The following OLA1 variants were observed in gnomAD, a reference collection of about 807,000 sequenced individuals.
OLA1 encodes Obg like ATPase 1.
In OLA1, 14 loss-of-function variants were observed where a neutral mutation model predicts 48.4. That is an observed-to-expected ratio of 0.29 (90% CI 0.19 to 0.45). OLA1 has a LOEUF of 0.45. OLA1 is among the 20% of genes least tolerant of loss of function. OLA1 has a pLI of 1.00. For missense variants in OLA1, 325 were observed against 467.1 expected (o/e 0.70, Z 2.80); for synonymous variants, 127 against 150.4 (o/e 0.84, Z 1.14).
At chr2:174,176,477 T>C (rs1348743050) in intron 4 of OLA1, among the ~76,000 whole-genome samples, 1 of 152,158 alleles carries the variant, frequency 6.6e-6, no homozygotes, top group African/African-American at 2.4e-5. Flanking sequence ...AAAATACATG[T>C]CACAAATATG....
At chr2:174,090,913 G>C (rs1284602712) in intron 7 of OLA1, among the ~76,000 whole-genome samples, 3 of 152,158 alleles carry the variant, frequency 2.0e-5, no homozygotes, top group African/African-American at 7.2e-5. Context: ...CTCCTTGAGA[G>C]CCTTCCCTGA....
chr2:174,238,205 A>G (rs1688904136), intron 2 of OLA1, among the ~76,000 whole-genome samples: 1 of 152,202 alleles, frequency 6.6e-6, no homozygotes, highest in South Asian at 2.1e-4. Context: ...CATCAAGAAA[A>G]CACCAATTGG....
At chr2:174,176,117 C>T (rs115844036) in intron 4 of OLA1, among the ~76,000 whole-genome samples, 3 of 151,988 alleles carry the variant, frequency 2.0e-5, no homozygotes, top group African/African-American at 7.2e-5. Context: ...AGTAGATCTA[C>T]GACTGTGTAC....
intron 2 of OLA1, among the ~76,000 whole-genome samples, chr2:174,238,474 A>G (rs1192124224): frequency 6.7e-6 from 1 of 148,710 alleles, no homozygotes; most frequent in African/African-American, 2.5e-5. Context: ...AGCCTGGGCA[A>G]CAGAGTGAGA....
intron 5 of OLA1, among the ~76,000 whole-genome samples, chr2:174,135,407 A>T (rs1318373461): frequency 6.6e-6 from 1 of 152,210 alleles, no homozygotes; most frequent in East Asian, 1.9e-4. Flanking sequence ...TTAGTTCTTC[A>T]TTTTGTATTT....
intron 4 of OLA1, among the ~76,000 whole-genome samples, chr2:174,207,941 A>G (rs960511342): frequency 2.0e-5 from 3 of 152,178 alleles, no homozygotes; most frequent in African/African-American, 7.2e-5. Flanking sequence ...GTATTGGCCC[A>G]ATGCAAAATA....
intron 4 of OLA1, among the ~76,000 whole-genome samples, chr2:174,159,829 T>A (rs563986998): frequency 6.6e-6 from 1 of 151,982 alleles, no homozygotes; most frequent in Non-Finnish European, 1.5e-5. Context: ...AAGCCTTGAG[T>A]TATATTTATG....
At chr2:174,161,681 T>C (rs200713689) in intron 4 of OLA1, among the ~76,000 whole-genome samples, 4 of 141,112 alleles carry the variant, frequency 2.8e-5, no homozygotes, top group African/African-American at 1.1e-4. Flanking sequence ...AAAAAAAAAA[T>C]ACACACACAC....
chr2:174,163,138 C>A (rs1291079142), intron 4 of OLA1, among the ~76,000 whole-genome samples: 1 of 152,274 alleles, frequency 6.6e-6, no homozygotes, highest in East Asian at 1.9e-4. Context: ...TGATTCCCAG[C>A]CCACTCCTTG....
chr2:174,101,080 T>A (rs1168582304), intron 7 of OLA1, among the ~76,000 whole-genome samples: 1 of 152,126 alleles, frequency 6.6e-6, no homozygotes, highest in Admixed American at 6.5e-5. Context: ...GATACATGCT[T>A]AACTTAAATG....
chr2:174,181,037 G>C (rs1687520838), intron 4 of OLA1, among the ~76,000 whole-genome samples: 1 of 152,164 alleles, frequency 6.6e-6, no homozygotes, highest in South Asian at 2.1e-4. Context: ...GAGGCTGGTA[G>C]CATCATTCAC....
intron 4 of OLA1, among the ~76,000 whole-genome samples, chr2:174,155,414 G>T (rs1296714792): frequency 1.3e-5 from 2 of 152,178 alleles, no homozygotes; most frequent in African/African-American, 4.8e-5. Flanking sequence ...CAATTTCACA[G>T]CACACAATAA....
intron 4 of OLA1, among the ~76,000 whole-genome samples, chr2:174,143,038 G>A (rs574960054): frequency 1.2e-4 from 19 of 152,190 alleles, no homozygotes; most frequent in East Asian, 7.7e-4. Flanking sequence ...AGTGAACACA[G>A]CTCATTCTTA....
intron 4 of OLA1, among the ~76,000 whole-genome samples, chr2:174,211,404 G>A (rs1005006337): frequency 1.3e-5 from 2 of 152,102 alleles, no homozygotes; most frequent in African/African-American, 4.8e-5. Context: ...GATTAGCCCA[G>A]CTTAAAAAAC....
At chr2:174,111,965 G>C (rs1379383048) in intron 7 of OLA1, among the ~76,000 whole-genome samples, 1 of 152,108 alleles carries the variant, frequency 6.6e-6, no homozygotes, top group African/African-American at 2.4e-5. Flanking sequence ...TTAGAGAGAA[G>C]TCCATACAAT....
chr2:174,122,012 AAC>A (rs1417285424), intron 7 of OLA1, among the ~76,000 whole-genome samples: 2 of 152,230 alleles, frequency 1.3e-5, no homozygotes, highest in Non-Finnish European at 2.9e-5. Context: ...TCCTAAAGGT[AAC>A]AATTTTTAAC....
At chr2:174,230,348 C>T (rs1042708387) in intron 2 of OLA1, among the ~76,000 whole-genome samples, 5 of 151,974 alleles carry the variant, frequency 3.3e-5, no homozygotes, top group Non-Finnish European at 1.5e-5. Flanking sequence ...AAGTGGTTAC[C>T]GTGTCTTTCC....
In OLA1 at chr2:174,095,325, GTTTTTT is replaced by G. The variant is rs1205716344; in HGVS notation, c.729-13267_729-13262del. On this transcript the variant is annotated intron_variant, in intron 7 of 10. Coordinates refer to ENST00000284719, the MANE Select transcript of OLA1 (RefSeq NM_013341.5). Reference sequence around the variant, plus strand: ...TCTTTGCCAGCACTTGTTATTTCCTGTTTTTTTTTTTTTTTTTTTTTTTTGTTGTTG... The same window carrying G: ...TCTTTGCCAGCACTTGTTATTTCCTGTTTTTTTTTTTTTTTTTTGTTGTTG... Among the ~76,000 whole-genome samples the G allele has an allele frequency of 5.3e-4, 41 of 77,996 alleles. 1 individual carries two copies. Among genetic ancestry groups the G allele is most frequent in the Admixed American group, 2.8e-3 (19 of 6,696 alleles). The allele number at this position is 77,996 out of a possible 152,430, so 51.2% of individuals were successfully genotyped here. A position where few individuals can be genotyped will look rare whatever the true frequency, so the allele number is the denominator to read the frequency against.
At chr2:174,077,367 C>T (rs367748398) in intron 10 of OLA1, among the ~76,000 whole-genome samples, 11 of 148,842 alleles carry the variant, frequency 7.4e-5, no homozygotes, top group Admixed American at 2.7e-4. Flanking sequence ...CATACATACA[C>T]ACACATATAC....
Sources: allele counts gnomAD v4.1 joint callset (sites outside exome capture counted in the v4.1 genomes callset), GRCh38; gene constraint gnomAD v4.1.1; transcripts MANE v1.5; gene names NCBI Gene and HGNC (gene_info 2026-07-23, HGNC 2026-07-21).